Variants in ZNF704 observed in about 807,000 individuals in gnomAD.
ZNF704 encodes glucocorticoid induced gene 1.
A neutral mutation model predicts 44.7 loss-of-function variants in ZNF704; 10 were observed. That is an observed-to-expected ratio of 0.22 (90% confidence interval 0.14 to 0.38). The LOEUF (loss-of-function observed/expected upper bound fraction) is 0.38, where lower values mean the gene tolerates loss of function less well. Ranked by LOEUF, ZNF704 falls within the 10% of genes least tolerant of loss-of-function variation. The pLI, the probability that ZNF704 is intolerant of heterozygous loss-of-function variation, is 1.00. For missense variants in ZNF704, 390 were observed against 545.5 expected, an observed-to-expected ratio of 0.71 and a Z score of 2.84; for synonymous variants, 211 against 207.6, an observed-to-expected ratio of 1.02 and a Z score of -0.14.
At chr8:80,846,507 A>G (rs1037658447) in intron 1 of ZNF704, among the ~76,000 whole-genome samples, 4 of 152,132 alleles carry the variant, frequency 2.6e-5, no homozygotes, top group African/African-American at 9.7e-5. Context: ...TTAATGGGGA[A>G]GGACTCTTTA....
chr8:80,687,289 G>A lies in ZNF704; in HGVS notation c.495C>T (p.Asp165=), dbSNP rs773362126. 8.1e-6 allele frequency: 13 copies of A among 1,613,002 alleles called. No individual in the cohort carries two copies. The highest frequency in any genetic ancestry group is 6.7e-5 in the East Asian group (3 of 44,880). Residue 165 remains aspartate (D), a synonymous_variant, in exon 4 of 9, where the codon GAC becomes GAT. Coordinates refer to ENST00000327835, the MANE Select transcript of ZNF704 (RefSeq NM_001033723.3). The stretch of plus-strand genomic sequence containing the variant: ...TGCTGGCCTCCGCCTCGTCGATGCC[G>A]TCGTCTGGCTGCGCGGGGCTGCGGA... ...KPFRSPAQPD[D]GIDEAEASNL...
intron 2 of ZNF704, among the ~76,000 whole-genome samples, chr8:80,714,646 T>C (rs983587566): frequency 6.6e-6 from 1 of 152,188 alleles, no homozygotes; most frequent in Non-Finnish European, 1.5e-5. Context: ...CATATTTACA[T>C]TGGCAGTTTT....
At position 80,846,401 on chromosome 8, in the gene ZNF704, TACACAC is replaced by T. The variant is rs33922681; in HGVS notation, c.-21-24792_-21-24787del. On this transcript the variant is annotated intron_variant, in intron 1 of 8. Coordinates refer to ENST00000327835, the MANE Select transcript of ZNF704 (RefSeq NM_001033723.3). ...CAGCTTTTTAAATACAGAGATTTCA[TACACAC>T]ACACACACACACACACACACACGTT... Among the ~76,000 whole-genome samples the T allele has an allele frequency of 3.9e-3, 581 of 148,498 alleles. 3 individuals are homozygous for T. Among genetic ancestry groups the T allele is most frequent in the African/African-American group, 0.013 (544 of 40,494 alleles).
chr8:80,874,410 G>A lies in ZNF704; in HGVS notation c.-22+161C>T, dbSNP rs867088445. Among the ~76,000 whole-genome samples, 2 of 148,764 alleles carry A rather than the reference G, an allele frequency of 1.3e-5. No homozygotes were observed. Among genetic ancestry groups the A allele is most frequent in the Non-Finnish European group, 3.0e-5 (2 of 66,912 alleles). ...AGCCCGCGCGCGCCTCTCCCGGCCG[G>A]CTGCGCCCGCGCGCTCCGGGCCTAC... On this transcript the variant is annotated intron_variant, in intron 1 of 8. Transcript: ENST00000327835. This position sits in a 1 kb window ranked among gnomAD's most constrained non-coding sequence, Gnocchi z 4.4.
At chr8:80,713,655 G>A (rs149818119) in intron 2 of ZNF704, among the ~76,000 whole-genome samples, 6 of 152,302 alleles carry the variant, frequency 3.9e-5, no homozygotes, top group African/African-American at 1.4e-4. Context: ...GTAAACTAAT[G>A]AGCAAGATAA....
intron 2 of ZNF704, among the ~76,000 whole-genome samples, chr8:80,816,951 T>G (rs184759500): frequency 6.6e-6 from 1 of 152,166 alleles, no homozygotes; most frequent in Non-Finnish European, 1.5e-5. Flanking sequence ...ACAGTAAAGA[T>G]TGTTCCTACC....
intron 2 of ZNF704, among the ~76,000 whole-genome samples, chr8:80,748,464 G>A (rs1224931937): frequency 6.6e-6 from 1 of 152,230 alleles, no homozygotes; most frequent in South Asian, 2.1e-4. Context: ...CTCAGCTCCA[G>A]CATCAGTGCC....
chr8:80,816,565 T>C (rs550650249), intron 2 of ZNF704, among the ~76,000 whole-genome samples: 1 of 152,282 alleles, frequency 6.6e-6, no homozygotes, highest in African/African-American at 2.4e-5. Flanking sequence ...ATGAAACTAG[T>C]ATTTTCATCT....
intron 2 of ZNF704, among the ~76,000 whole-genome samples, chr8:80,806,888 T>C (rs1026352478): frequency 3.3e-5 from 5 of 152,348 alleles, no homozygotes; most frequent in African/African-American, 9.6e-5. Flanking sequence ...GGCCATACTG[T>C]CCTCCAGCTG....
chr8:80,657,711 G>T (rs1160916773), intron 7 of ZNF704, among the ~76,000 whole-genome samples: 1 of 146,706 alleles, frequency 6.8e-6, no homozygotes, highest in African/African-American at 2.5e-5. Flanking sequence ...AAAAAAAAAA[G>T]CTCACATAGG....
At chr8:80,857,463 A>G (rs917940216) in intron 1 of ZNF704, among the ~76,000 whole-genome samples, 1 of 152,160 alleles carries the variant, frequency 6.6e-6, no homozygotes, top group Non-Finnish European at 1.5e-5. Context: ...TTATGCATCT[A>G]TTGAGATAAT....
rs1049749712 is a variant in ZNF704, at chr8:80,670,398, A to G, written c.659+105T>C. On this transcript the variant is annotated intron_variant, in intron 5 of 8. Coordinates refer to ENST00000327835, the MANE Select transcript of ZNF704 (RefSeq NM_001033723.3). ...GAGATTAGGAAGACCAAGCCAGCCC[A>G]GTGTCCAGAACCTTTAAGGCACAGT... The G allele has an allele frequency of 5.1e-6, 4 of 781,676 alleles. No individual in the cohort carries two copies. The Admixed American group carries it at 8.5e-5, about 17-fold the overall frequency. The allele number at this position is 781,676 out of a possible 1,614,324, so 48.4% of individuals were successfully genotyped here. A position where few individuals can be genotyped will look rare whatever the true frequency, so the allele number is the denominator to read the frequency against.
intron 1 of ZNF704, among the ~76,000 whole-genome samples, chr8:80,857,847 G>A (rs1036272647): frequency 1.3e-5 from 2 of 152,032 alleles, no homozygotes; most frequent in African/African-American, 4.8e-5. Context: ...CTCATCAGGA[G>A]TTTTCTATGT....
chr8:80,679,906 A>G (rs1325298400), intron 4 of ZNF704, among the ~76,000 whole-genome samples: 4 of 152,244 alleles, frequency 2.6e-5, no homozygotes, highest in East Asian at 3.9e-4. Flanking sequence ...GTGGGCCACA[A>G]TGGTTGGAGA....
intron 2 of ZNF704, among the ~76,000 whole-genome samples, chr8:80,795,765 A>G (rs1807790699): frequency 1.3e-5 from 2 of 152,138 alleles, no homozygotes; most frequent in Non-Finnish European, 2.9e-5. Flanking sequence ...ATAACAATGA[A>G]ATTATGTTCA....
intron 2 of ZNF704, among the ~76,000 whole-genome samples, chr8:80,730,825 G>A (rs1806569173): frequency 6.6e-6 from 1 of 151,992 alleles, no homozygotes; most frequent in Admixed American, 6.6e-5. Flanking sequence ...AACATGAGTT[G>A]AATTAGTTAT....
rs183430452 is a variant in ZNF704, at chr8:80,669,131, T to A, written c.659+1372A>T. Among the ~76,000 whole-genome samples, 24 of 152,260 alleles carry A rather than the reference T, an allele frequency of 1.6e-4. No individual in the cohort carries two copies. In the East Asian group the frequency reaches 4.3e-3, roughly 27 times the overall value. On this transcript the variant is annotated intron_variant, in intron 5 of 8. Transcript: ENST00000327835. Reference sequence around the variant, plus strand: ...GGTCTATAAATACATATAAACAGCATATGCTTCTGATGGGACCGAATAGGA... The same window carrying A: ...GGTCTATAAATACATATAAACAGCAAATGCTTCTGATGGGACCGAATAGGA...
intron 1 of ZNF704, among the ~76,000 whole-genome samples, chr8:80,863,188 A>G (rs1809098553): frequency 6.6e-6 from 1 of 152,202 alleles, no homozygotes; most frequent in Admixed American, 6.5e-5. Context: ...TTGTTACATT[A>G]GTTTTGAGTT....
the ZNF704 span, among the ~76,000 whole-genome samples, chr8:80,883,245 C>CAAAAA: frequency 2.5e-4 from 21 of 83,362 alleles, no homozygotes; most frequent in South Asian, 4.2e-4. Context: ...GACACCCTCT[C>CAAAAA]AAAAAAAAAA....
Sources: allele counts gnomAD v4.1 joint callset (sites outside exome capture counted in the v4.1 genomes callset), GRCh38; gene constraint gnomAD v4.1.1; non-coding constraint Gnocchi (gnomAD v3.1); transcripts MANE v1.5; gene names NCBI Gene and HGNC (gene_info 2026-07-23, HGNC 2026-07-21).